KCNJ15: variants seen among roughly 807,000 people sequenced by gnomAD.
The protein encoded by KCNJ15 is potassium inwardly rectifying channel subfamily J member 15, also known as ATP-sensitive inward rectifier potassium channel 15.
KCNJ15 carries 14 observed loss-of-function variants against 23.0 expected under a neutral mutation model. That is an observed-to-expected ratio of 0.61 (90% CI 0.40 to 0.95). The LOEUF (loss-of-function observed/expected upper bound fraction) is 0.95. Among genes scored for constraint, KCNJ15 ranks in the 40% least tolerant of loss-of-function variants. The pLI is 0.00. For synonymous variants in KCNJ15, 185 were observed against 183.2 expected (o/e 1.01, Z -0.08); for missense variants, 388 against 461.8 (o/e 0.84, Z 1.46).
rs1269261517 is a variant in KCNJ15 at position 38,288,026 on chromosome 21, CTTTGTTTTTT to C, written c.-116-8896_-116-8887del. On this transcript the variant is annotated intron_variant, in intron 1 of 2. Coordinates refer to ENST00000398938, the MANE Select transcript of KCNJ15 (RefSeq NM_170736.3). ...CCATTGTTAAATAACTTGTTTTTTTCTTTGTTTTTTTTTTTTTTTTTTTTTTTTTTTTGAG... is the reference window on the plus strand; with the variant it reads ...CCATTGTTAAATAACTTGTTTTTTTCTTTTTTTTTTTTTTTTTTTTTTGAG... Among the ~76,000 whole-genome samples the C allele has an allele frequency of 7.0e-4, 55 of 78,206 alleles. 13 individuals are homozygous for C. Among genetic ancestry groups the C allele is most frequent in the South Asian group, 4.5e-3 (9 of 1,984 alleles). The allele number at this position is 78,206 out of a possible 152,430, so 51.3% of individuals were successfully genotyped here. A position where few individuals can be genotyped will look rare whatever the true frequency, so the allele number is the denominator to read the frequency against.
At position 38,303,735 on chromosome 21, in the gene KCNJ15, CTG is replaced by C. The variant is rs1305286048; in HGVS notation, c.*3349_*3350del. ...ATTAAATTTCCCAATTTTTAATAGA[CTG>C]TGATTTCAATATTATCGAAATGTAA... On this transcript the variant is annotated 3_prime_UTR_variant, in exon 3 of 3. Coordinates refer to ENST00000398938, the MANE Select transcript of KCNJ15 (RefSeq NM_170736.3). 2 of 152,104 alleles carry C rather than the reference CTG, an allele frequency of 1.3e-5. No individual in the cohort carries two copies. The highest frequency in any genetic ancestry group is 2.9e-5 in the Non-Finnish European group (2 of 68,026). The allele number at this position is 152,104 out of a possible 1,614,324, so 9.4% of individuals were successfully genotyped here.
At chr21:38,251,753 G>T (rs143934273), upstream of KCNJ15, among the ~76,000 whole-genome samples, 355 of 152,298 alleles carry the variant, frequency 2.3e-3, 1 homozygote, top group African/African-American at 8.3e-3. Flanking sequence ...GCGAGTAGGG[G>T]ATTTCTTAGG....
chr21:38,244,449 A>C (rs1979229454), intron 1 of KCNJ15, among the ~76,000 whole-genome samples: 1 of 152,194 alleles, frequency 6.6e-6, no homozygotes, highest in South Asian at 2.1e-4. Flanking sequence ...AGATCAGAAT[A>C]TAGATCTATT....
At chr21:38,279,003 G>A (rs571961458) in intron 1 of KCNJ15, among the ~76,000 whole-genome samples, 2 of 152,196 alleles carry the variant, frequency 1.3e-5, no homozygotes, top group Non-Finnish European at 2.9e-5. Flanking sequence ...AGCCTGTGCT[G>A]TCATGCAAGA....
At chr21:38,262,391 GACAGTGAGCTGTATTACAT>G (rs1009888234) in intron 1 of KCNJ15, among the ~76,000 whole-genome samples, 6 of 152,054 alleles carry the variant, frequency 3.9e-5, no homozygotes, top group African/African-American at 1.4e-4. Flanking sequence ...TTTATATATG[GACAGTGAGCTGTATTACAT>G]ACAGACACAA....
At chr21:38,255,566 G>A (rs150480363), upstream of KCNJ15, among the ~76,000 whole-genome samples, 222 of 152,158 alleles carry the variant, frequency 1.5e-3, 3 homozygotes, top group Admixed American at 2.3e-3. Context: ...TTGCTTCCAG[G>A]GAAAGAAAGA....
Position 38,286,925 on chromosome 21 carries a change from C to T in KCNJ15, c.-116-10001C>T, listed in dbSNP as rs370045043. Among the ~76,000 whole-genome samples the T allele has an allele frequency of 1.1e-4, 16 of 152,350 alleles. No homozygotes were observed. In the East Asian group the frequency reaches 1.5e-3, roughly 15 times the overall value. On this transcript the variant is annotated intron_variant, in intron 1 of 2. Coordinates refer to ENST00000398938, the MANE Select transcript of KCNJ15 (RefSeq NM_170736.3). ...GGAAATCACAGACATTTCAATATCA[C>T]ATTCCAGTCATTTCAGAGACCTTGA...
chr21:38,262,796 G>T (rs969275858), intron 1 of KCNJ15, among the ~76,000 whole-genome samples: 1 of 151,690 alleles, frequency 6.6e-6, no homozygotes, highest in African/African-American at 2.4e-5. Context: ...TCCTGCCTTA[G>T]TCTCCCAAAT....
Position 38,297,837 on chromosome 21 carries a change from T to C in KCNJ15, c.-19+814T>C, listed in dbSNP as rs139809323. On this transcript the variant is annotated intron_variant, in intron 2 of 2. Coordinates refer to ENST00000398938, the MANE Select transcript of KCNJ15 (RefSeq NM_170736.3). ...AAGTCAATTACAAGGGGGCATTTAG[T>C]AAATAACACACTCTTAATAAAGTAA... Among the ~76,000 whole-genome samples the C allele has an allele frequency of 4.6e-5, 7 of 152,306 alleles. No individual in the cohort carries two copies. The East Asian group carries it at 1.4e-3, about 29-fold the overall frequency.
At chr21:38,289,896 T>G (rs1322794635) in intron 1 of KCNJ15, among the ~76,000 whole-genome samples, 1 of 152,178 alleles carries the variant, frequency 6.6e-6, no homozygotes, top group Admixed American at 6.5e-5. Flanking sequence ...AGGGAGAATA[T>G]GCTTATTACC....
At chr21:38,285,442 G>T (rs772594870) in intron 1 of KCNJ15, 1 of 152,142 alleles carries the variant, frequency 6.6e-6, no homozygotes, top group African/African-American at 2.4e-5. Context: ...GTCTCAAAGG[G>T]GTTAAGAAAG....
intron 1 of KCNJ15, among the ~76,000 whole-genome samples, chr21:38,235,833 A>T (rs1978564214): frequency 6.6e-6 from 1 of 152,218 alleles, no homozygotes; most frequent in Admixed American, 6.5e-5. Flanking sequence ...AAAGATATCA[A>T]CATCTGTTCA....
intron 1 of KCNJ15, among the ~76,000 whole-genome samples, chr21:38,292,172 T>C (rs565565459): frequency 1.3e-5 from 2 of 152,346 alleles, no homozygotes; most frequent in African/African-American, 4.8e-5. Context: ...GTATTAGCTT[T>C]GTGAATGCAT....
intron 1 of KCNJ15, among the ~76,000 whole-genome samples, chr21:38,232,936 C>T (rs956947335): frequency 1.3e-5 from 2 of 151,842 alleles, no homozygotes; most frequent in South Asian, 2.1e-4. Context: ...TGTTTGTGGG[C>T]GGATGGTCTA....
In KCNJ15 at chr21:38,243,660, G is replaced by A. The variant is rs1389796739; in HGVS notation, c.-398-13386G>A. Among the ~76,000 whole-genome samples the A allele has an allele frequency of 2.6e-5, 4 of 152,192 alleles. No homozygotes were observed. The East Asian group carries it at 5.8e-4, about 22-fold the overall frequency. On this transcript the variant is annotated intron_variant, in intron 1 of 4. Transcript: ENST00000547341. ...TGGTCTCGAGCTCCTGACCTCAGGT[G>A]ATCTGCCCGCCTCGGCCTTCCAAAG...
At chr21:38,284,314 C>G (rs543825908) in intron 1 of KCNJ15, among the ~76,000 whole-genome samples, 1 of 152,254 alleles carries the variant, frequency 6.6e-6, no homozygotes, top group South Asian at 2.1e-4. Context: ...AGTAAGATAG[C>G]CTCCGCCCAC....
chr21:38,232,750 TAC>T (rs1978356275), intron 1 of KCNJ15, among the ~76,000 whole-genome samples: 2 of 151,938 alleles, frequency 1.3e-5, no homozygotes, highest in African/African-American at 4.8e-5. Flanking sequence ...CAAATATTTA[TAC>T]ATTTTTAAAA....
rs1978798390 is a variant in KCNJ15 at position 38,238,802 on chromosome 21, A to G, written c.-398-18244A>G. Reference sequence around the variant, plus strand: ...AGATAAAAGTGCTTTCCAATATGTTATTGTCCAGAGCGTGGTGTAGAAAAA... The same window carrying G: ...AGATAAAAGTGCTTTCCAATATGTTGTTGTCCAGAGCGTGGTGTAGAAAAA... On this transcript the variant is annotated intron_variant, in intron 1 of 4. Transcript: ENST00000547341. The G allele has an allele frequency of 1.3e-5, 4 of 306,802 alleles. No homozygotes were observed. In the South Asian group the frequency reaches 1.6e-4, roughly 12 times the overall value. 19.0% of individuals were successfully genotyped at this position (306,802 alleles called of 1,614,324 possible). A position where few individuals can be genotyped will look rare whatever the true frequency, so the allele number is the denominator to read the frequency against.
Position 38,304,250 on chromosome 21 carries a change from CT to C in KCNJ15, c.*3862del, listed in dbSNP as rs1985963207. ...TATCTCCTAATGCTATCCCTCCCCC[CT>C]CCCCCCACCCCACAACAGTCCCCGG... is the stretch of plus-strand genomic sequence containing the variant. On this transcript the variant is annotated 3_prime_UTR_variant, in exon 3 of 3. Coordinates refer to ENST00000398938, the MANE Select transcript of KCNJ15 (RefSeq NM_170736.3). 8.3e-6 allele frequency: 1 copy of C among 120,072 alleles called. No homozygotes were observed. Among genetic ancestry groups the C allele is most frequent in the Non-Finnish European group, 1.7e-5 (1 of 58,010 alleles). 7.4% of individuals were successfully genotyped at this position (120,072 alleles called of 1,614,324 possible).
Sources: gnomAD v4.1 joint callset for allele counts (sites outside exome capture counted in the v4.1 genomes callset) on GRCh38, gnomAD v4.1.1 for gene constraint, MANE v1.5 for transcripts, NCBI Gene and HGNC (gene_info 2026-07-23, HGNC 2026-07-21) for gene names.